PTPRE: variants seen among roughly 807,000 people sequenced by gnomAD.
The protein encoded by PTPRE is receptor-type tyrosine-protein phosphatase epsilon.
PTPRE carries 51 observed loss-of-function variants against 102.0 expected under a neutral mutation model. The ratio of observed to expected loss-of-function variants is 0.50; its 90% confidence interval spans 0.40 to 0.63. PTPRE has a LOEUF of 0.63. PTPRE is among the 30% of genes least tolerant of loss of function. The probability of loss-of-function intolerance (pLI) is 0.00; values close to 1 mark genes in which losing one functional copy is unlikely to be tolerated. For missense variants in PTPRE, 752 were observed against 915.1 expected, an observed-to-expected ratio of 0.82 and a Z score of 2.30; for synonymous variants, 345 against 348.2, an observed-to-expected ratio of 0.99 and a Z score of 0.10.
chr10:127,955,366 C>T (rs975667357), intron 1 of PTPRE, among the ~76,000 whole-genome samples: 3 of 152,048 alleles, frequency 2.0e-5, no homozygotes, highest in African/African-American at 7.2e-5. Flanking sequence ...AGGTGCTTAT[C>T]GAAGGCAAAG....
chr10:127,987,367 T>C (rs1195378792), intron 2 of PTPRE: 1 of 1,283,518 alleles, frequency 7.8e-7, no homozygotes, highest in Non-Finnish European at 1.0e-6. Context: ...CCAGGATGGT[T>C]TCCCAGCGTC....
chr10:128,058,105 G>A (rs564126846), intron 7 of PTPRE, among the ~76,000 whole-genome samples: 94 of 152,304 alleles, frequency 6.2e-4, no homozygotes, highest in African/African-American at 2.2e-3. Context: ...ATCCCTTAAA[G>A]GTAACATCAC....
At chr10:127,967,385 T>C (rs1467775253) in intron 1 of PTPRE, among the ~76,000 whole-genome samples, 1 of 152,156 alleles carries the variant, frequency 6.6e-6, no homozygotes, top group Non-Finnish European at 1.5e-5. Flanking sequence ...AATTGAATCA[T>C]GGCAACAGGT....
intron 2 of PTPRE, among the ~76,000 whole-genome samples, chr10:128,019,030 C>T (rs1339071090): frequency 6.6e-6 from 1 of 152,214 alleles, no homozygotes; most frequent in African/African-American, 2.4e-5. Flanking sequence ...AGGGTGCATC[C>T]ACATTGAAAT....
chr10:127,948,305 A>C (rs1205706245), intron 1 of PTPRE, among the ~76,000 whole-genome samples: 1 of 152,076 alleles, frequency 6.6e-6, no homozygotes, highest in East Asian at 1.9e-4. Context: ...GAGATTTCCC[A>C]TATGCCCCTT....
chr10:128,019,695 A>G (rs1274469858), intron 2 of PTPRE, among the ~76,000 whole-genome samples: 1 of 152,058 alleles, frequency 6.6e-6, no homozygotes, highest in Non-Finnish European at 1.5e-5. Context: ...AGCATCCACC[A>G]TGTGCATTAA....
At chr10:127,927,530 A>G (rs900319849) in intron 1 of PTPRE, among the ~76,000 whole-genome samples, 1 of 152,168 alleles carries the variant, frequency 6.6e-6, no homozygotes, top group Non-Finnish European at 1.5e-5. Flanking sequence ...GGGCCATGTA[A>G]CCAGAGGGTA....
chr10:127,964,206 G>A (rs1481601325), intron 1 of PTPRE, among the ~76,000 whole-genome samples: 1 of 151,844 alleles, frequency 6.6e-6, no homozygotes, highest in Non-Finnish European at 1.5e-5. Context: ...GTCTTGCTCT[G>A]TTGCCCAGGC....
At position 128,073,468 on chromosome 10, in the gene PTPRE, G is replaced by T; in HGVS notation, c.1596G>T (p.Glu532Asp). ...TGCTGACGGAGGTGCAGGAGAGAGAGCAGGTGAGGAGTGCCGCCCAGCCCG... is the reference window on the plus strand; with the variant it reads ...TGCTGACGGAGGTGCAGGAGAGAGATCAGGTGAGGAGTGCCGCCCAGCCCG... Reference protein sequence around the residue: ...IVMLTEVQEREQDKCYQYWPT... With the variant: ...IVMLTEVQERDQDKCYQYWPT... Residue 532 changes from glutamate to aspartate, a missense_variant, in exon 17 of 21, where the codon GAG (glutamate) becomes GAT (aspartate). Physicochemically the swap from Glu to Asp is conservative, Grantham distance 45. Transcript: ENST00000254667. The T allele has an allele frequency of 5.0e-6, 8 of 1,613,454 alleles. No individual in the cohort carries two copies. The highest frequency in any genetic ancestry group is 6.8e-6 in the Non-Finnish European group (8 of 1,179,862).
intron 2 of PTPRE, among the ~76,000 whole-genome samples, chr10:128,015,182 G>A (rs1845316339): frequency 6.6e-6 from 1 of 152,138 alleles, no homozygotes; most frequent in African/African-American, 2.4e-5. Flanking sequence ...GCAAAGACCT[G>A]TACCCAAGCA....
rs530913052 is a variant in PTPRE, at chr10:127,958,435, T to A, written c.-30-23839T>A. Reference sequence around the variant, plus strand: ...TTTGAATTTTGTCACGTGCTTTTTTTTGCATCTGTTGATATAATCTTGTGA... The same window carrying A: ...TTTGAATTTTGTCACGTGCTTTTTTATGCATCTGTTGATATAATCTTGTGA... On this transcript the variant is annotated intron_variant, in intron 1 of 20. Transcript: ENST00000254667. Among the ~76,000 whole-genome samples, 46 of 152,374 alleles carry A rather than the reference T, an allele frequency of 3.0e-4. 1 individual carries two copies. The highest frequency in any genetic ancestry group is 1.0e-3 in the African/African-American group (43 of 41,594).
In PTPRE at chr10:128,060,699, G is replaced by A. The variant is rs1454303152; in HGVS notation, c.512-240G>A. On this transcript the variant is annotated intron_variant, in intron 7 of 20. Transcript: ENST00000254667. Reference sequence around the variant, plus strand: ...GCTGAAATCCTACCCTTGTCGTCATGCCACAGCTGAGACAGTCAGTGTTCA... The same window carrying A: ...GCTGAAATCCTACCCTTGTCGTCATACCACAGCTGAGACAGTCAGTGTTCA... Among the ~76,000 whole-genome samples, 5 of 152,310 alleles carry A rather than the reference G, an allele frequency of 3.3e-5. No individual in the cohort carries two copies. The South Asian group carries it at 8.3e-4, about 25-fold the overall frequency.
chr10:127,965,859 G>A, intron 1 of PTPRE, among the ~76,000 whole-genome samples: 1 of 152,210 alleles, frequency 6.6e-6, no homozygotes, highest in East Asian at 1.9e-4. Context: ...TGGTACTGCA[G>A]CCACAACCCT....
chr10:127,992,235 T>C (rs1335126322), intron 2 of PTPRE, among the ~76,000 whole-genome samples: 3 of 151,860 alleles, frequency 2.0e-5, no homozygotes, highest in Non-Finnish European at 4.4e-5. Flanking sequence ...GGAGCAGAGG[T>C]GGGGCCTGTG....
intron 1 of PTPRE, among the ~76,000 whole-genome samples, chr10:127,928,698 G>A (rs991542821): frequency 2.0e-5 from 3 of 152,164 alleles, no homozygotes; most frequent in Admixed American, 6.5e-5. Flanking sequence ...CAAACTTGGA[G>A]GTGTTTACTT....
intron 1 of PTPRE, among the ~76,000 whole-genome samples, chr10:127,932,969 G>T (rs1480113527): frequency 6.6e-6 from 1 of 152,180 alleles, no homozygotes; most frequent in African/African-American, 2.4e-5. Context: ...TTAGCGGGTG[G>T]CTCCTTCCTC....
chr10:127,993,939 G>A (rs1852974075), intron 2 of PTPRE, among the ~76,000 whole-genome samples: 1 of 152,144 alleles, frequency 6.6e-6, no homozygotes, highest in African/African-American at 2.4e-5. Context: ...GTCGGGGCAG[G>A]AAGTGGACAG....
intron 3 of PTPRE, among the ~76,000 whole-genome samples, chr10:128,042,696 G>T (rs959424600): frequency 2.0e-5 from 3 of 152,096 alleles, no homozygotes; most frequent in Non-Finnish European, 4.4e-5. Context: ...ATGATAACAC[G>T]TTTCCACAGT....
chr10:127,939,520 A>G (rs1199544876), intron 1 of PTPRE, among the ~76,000 whole-genome samples: 1 of 152,182 alleles, frequency 6.6e-6, no homozygotes, highest in African/African-American at 2.4e-5. Context: ...ACAAATCTGA[A>G]GGGCCAGTTT....
Sources: allele counts gnomAD v4.1 joint callset (sites outside exome capture counted in the v4.1 genomes callset), GRCh38; gene constraint gnomAD v4.1.1; transcripts MANE v1.5; gene names NCBI Gene and HGNC (gene_info 2026-07-23, HGNC 2026-07-21).